The following LY6S variants were observed in gnomAD, a reference collection of about 807,000 sequenced individuals.
LY6S encodes lymphocyte antigen 6S.
chr8:143,075,967 G>T, the LY6S span, among the ~76,000 whole-genome samples: 2 of 152,132 alleles, frequency 1.3e-5, no homozygotes, highest in African/African-American at 2.4e-5. This position sits in a 1 kb window ranked among gnomAD's most constrained non-coding sequence, Gnocchi z 4.1. Context: ...AATATTGTCA[G>T]TGTGGTAAAT....
chr8:143,057,916 G>A, the LY6S span: 52 of 592,762 alleles, frequency 8.8e-5, no homozygotes, highest in Non-Finnish European at 1.2e-4. Flanking sequence ...AGAGGGATGC[G>A]GCCCACGGTG....
the LY6S span, chr8:143,042,922 G>A: frequency 4.0e-5 from 44 of 1,108,126 alleles, no homozygotes; most frequent in East Asian, 1.9e-3. Flanking sequence ...GGGCCCAGAG[G>A]ACAAGGAGTT....
chr8:143,061,204 T>C, the LY6S span, among the ~76,000 whole-genome samples: 1 of 151,210 alleles, frequency 6.6e-6, no homozygotes, highest in Non-Finnish European at 1.5e-5. Context: ...GGTCAGAGGA[T>C]CTCTTGAGCC....
At chr8:143,053,893 T>TCTACTTC in the LY6S span, 1 of 152,280 alleles carries the variant, frequency 6.6e-6, no homozygotes, top group Non-Finnish European at 1.5e-5. Context: ...CGGCATGGTT[T>TCTACTTC]CTACTTCCTG....
At chr8:143,075,580 T>G in the LY6S span, among the ~76,000 whole-genome samples, 1 of 152,102 alleles carries the variant, frequency 6.6e-6, no homozygotes, top group Non-Finnish European at 1.5e-5. This position sits in a 1 kb window ranked among gnomAD's most constrained non-coding sequence, Gnocchi z 4.1. Context: ...GGTGCACAAC[T>G]GTACTCCCAG....
chr8:143,064,518 G>A, the LY6S span, among the ~76,000 whole-genome samples: 1 of 152,136 alleles, frequency 6.6e-6, no homozygotes, highest in African/African-American at 2.4e-5. Context: ...TCGATTGCAA[G>A]CTCCTCAAAT....
At chr8:143,044,982 C>G in the LY6S span, among the ~76,000 whole-genome samples, 1 of 152,212 alleles carries the variant, frequency 6.6e-6, no homozygotes, top group Admixed American at 6.5e-5. Context: ...AACTGGTGGC[C>G]TGCAACCCTC....
chr8:143,069,567 C>A, the LY6S span, among the ~76,000 whole-genome samples: 2 of 152,200 alleles, frequency 1.3e-5, no homozygotes, highest in African/African-American at 2.4e-5. Context: ...ATGATGCCAG[C>A]CCGTGCTCCA....
the LY6S span, among the ~76,000 whole-genome samples, chr8:143,070,482 TATATA>T: frequency 1.9e-5 from 2 of 104,286 alleles, no homozygotes; most frequent in African/African-American, 1.1e-4. Context: ...TATAAATATA[TATATA>T]TATTTTTTTT....
chr8:143,070,393 A>T, the LY6S span, among the ~76,000 whole-genome samples: 1 of 129,660 alleles, frequency 7.7e-6, no homozygotes, highest in Non-Finnish European at 1.6e-5. Flanking sequence ...ATATATATTT[A>T]TATATATTTT....
the LY6S span, among the ~76,000 whole-genome samples, chr8:143,070,418 A>ATG: frequency 1.2e-4 from 14 of 114,566 alleles, 2 homozygotes; most frequent in African/African-American, 5.8e-4. Flanking sequence ...TTATGTATAT[A>ATG]TATTTATATA....
At chr8:143,063,653 T>C in the LY6S span, among the ~76,000 whole-genome samples, 1 of 152,218 alleles carries the variant, frequency 6.6e-6, no homozygotes, top group Non-Finnish European at 1.5e-5. Context: ...AAACACCTGG[T>C]CAATAATTTC....
At chr8:143,064,336 A>T in the LY6S span, among the ~76,000 whole-genome samples, 1 of 152,202 alleles carries the variant, frequency 6.6e-6, no homozygotes, top group Non-Finnish European at 1.5e-5. Flanking sequence ...CCTTCTATAG[A>T]GAAAACCTAA....
the LY6S span, chr8:143,043,262 T>C: frequency 7.3e-7 from 1 of 1,361,578 alleles, no homozygotes; most frequent in Non-Finnish European, 9.8e-7. Context: ...CAACGGCACT[T>C]GTAAGTTTCA....
At chr8:143,055,736 T>C in the LY6S span, among the ~76,000 whole-genome samples, 1 of 152,228 alleles carries the variant, frequency 6.6e-6, no homozygotes, top group Non-Finnish European at 1.5e-5. Flanking sequence ...AAATACGCCG[T>C]GAAAGACGCC....
chr8:143,062,394 G>A, the LY6S span, among the ~76,000 whole-genome samples: 352 of 152,312 alleles, frequency 2.3e-3, 2 homozygotes, highest in Middle Eastern at 0.037. Flanking sequence ...GAGGCCGGGC[G>A]TGGTAGCTCA....
At chr8:143,072,016 C>T in the LY6S span, among the ~76,000 whole-genome samples, 1 of 152,260 alleles carries the variant, frequency 6.6e-6, no homozygotes, top group Non-Finnish European at 1.5e-5. Context: ...GTGGCACCCC[C>T]ATGCTTCCTC....
the LY6S span, among the ~76,000 whole-genome samples, chr8:143,055,542 A>G: frequency 6.6e-6 from 1 of 152,234 alleles, no homozygotes; most frequent in Non-Finnish European, 1.5e-5. Flanking sequence ...TGAAAGATCA[A>G]TGAATTTTTA....
chr8:143,044,644 C>T, the LY6S span: 2 of 1,359,276 alleles, frequency 1.5e-6, no homozygotes, highest in Non-Finnish European at 2.0e-6. Context: ...CCCCTCCCTC[C>T]CCAGAACCTG....
Sources: allele counts gnomAD v4.1 joint callset (sites outside exome capture counted in the v4.1 genomes callset), GRCh38; gene constraint gnomAD v4.1.1; non-coding constraint Gnocchi (gnomAD v3.1); transcripts MANE v1.5; gene names NCBI Gene and HGNC (gene_info 2026-07-23, HGNC 2026-07-21).